Variants in SOX5 observed in about 807,000 individuals in gnomAD.
SOX5 encodes the protein SRY-box transcription factor 5.
SOX5 carries 9 observed loss-of-function variants against 92.0 expected under a neutral mutation model. That is an observed-to-expected ratio of 0.10 (90% CI 0.06 to 0.17). The LOEUF is 0.17. Among genes scored for constraint, SOX5 ranks in the 10% least tolerant of loss-of-function variants. SOX5 has a pLI of 1.00. For missense variants in SOX5, 642 were observed against 944.5 expected (o/e 0.68, Z 4.20); for synonymous variants, 344 against 336.3 (o/e 1.02, Z -0.25).
rs538920399 is a variant in SOX5 at position 23,784,625 on chromosome 12, C to T, written c.482-28901G>A. Among the ~76,000 whole-genome samples, 14 of 151,996 alleles carry T rather than the reference C, an allele frequency of 9.2e-5. No individual in the cohort carries two copies. The South Asian group carries it at 2.3e-3, about 25-fold the overall frequency. ...AGAGGCGTGAGCCAACATGCCTGGC[C>T]GATATATTTTATTTACACATCAAAT... On this transcript the variant is annotated intron_variant, in intron 3 of 14. Coordinates refer to ENST00000451604, the MANE Select transcript of SOX5 (RefSeq NM_006940.6).
chr12:24,150,564 G>C (rs1951553092), intron 4 of SOX5, among the ~76,000 whole-genome samples: 1 of 152,098 alleles, frequency 6.6e-6, no homozygotes. Context: ...TGGCAAAATA[G>C]AAGGTAAAAC....
chr12:23,643,395 A>C (rs2080385146), intron 7 of SOX5, among the ~76,000 whole-genome samples: 1 of 152,174 alleles, frequency 6.6e-6, no homozygotes, highest in Admixed American at 6.5e-5. Context: ...TTAAGTTTGA[A>C]ATTATGATTA....
At chr12:24,209,814 C>T (rs895630365) in intron 4 of SOX5, among the ~76,000 whole-genome samples, 1 of 151,356 alleles carries the variant, frequency 6.6e-6, no homozygotes, top group Non-Finnish European at 1.5e-5. Context: ...GTCAGGAGAT[C>T]GAGACCATCC....
chr12:23,616,427 G>A (rs2076563053), intron 8 of SOX5, among the ~76,000 whole-genome samples: 1 of 152,198 alleles, frequency 6.6e-6, no homozygotes, highest in South Asian at 2.1e-4. Context: ...AGAGGAAAGT[G>A]GGAAGGGTTG....
intron 2 of SOX5, among the ~76,000 whole-genome samples, chr12:23,855,325 C>T (rs1595079851): frequency 6.6e-6 from 1 of 151,940 alleles, no homozygotes; most frequent in Non-Finnish European, 1.5e-5. Context: ...AAATGCCATA[C>T]AGCATTAGTA....
chr12:24,270,261 A>G (rs922059446), intron 3 of SOX5, among the ~76,000 whole-genome samples: 17 of 151,976 alleles, frequency 1.1e-4, no homozygotes, highest in African/African-American at 4.1e-4. Context: ...GGGTTTCACC[A>G]TCTTAGCCAG....
At chr12:24,341,001 A>G (rs896052311) in intron 2 of SOX5, among the ~76,000 whole-genome samples, 5 of 152,202 alleles carry the variant, frequency 3.3e-5, no homozygotes, top group Admixed American at 6.5e-5. Flanking sequence ...GGGCAACCAC[A>G]TACCAATTTC....
At chr12:23,898,153 C>A (rs1253680145) in intron 1 of SOX5, among the ~76,000 whole-genome samples, 2 of 152,136 alleles carry the variant, frequency 1.3e-5, no homozygotes, top group Non-Finnish European at 2.9e-5. Context: ...AGTTTGTGGA[C>A]AGAACAGGCT....
At chr12:24,541,712 C>A (rs1952144369) in intron 1 of SOX5, among the ~76,000 whole-genome samples, 1 of 152,166 alleles carries the variant, frequency 6.6e-6, no homozygotes, top group East Asian at 1.9e-4. Context: ...AAAAGAATGA[C>A]TTTTCCTTTT....
intron 6 of SOX5, among the ~76,000 whole-genome samples, chr12:23,671,116 G>A (rs1388343055): frequency 6.6e-6 from 1 of 152,132 alleles, no homozygotes. Context: ...CAAAGAACTG[G>A]AAGAACTCCA....
chr12:23,561,416 G>C (rs1011585428), intron 11 of SOX5, among the ~76,000 whole-genome samples: 2 of 152,206 alleles, frequency 1.3e-5, no homozygotes, highest in African/African-American at 4.8e-5. Context: ...ACTGAAGCCA[G>C]CATAAAGTCA....
At chr12:24,050,157 A>G (rs575460880) in intron 4 of SOX5, among the ~76,000 whole-genome samples, 2 of 151,298 alleles carry the variant, frequency 1.3e-5, no homozygotes, top group African/African-American at 2.4e-5. Context: ...TATGATCATT[A>G]CAAACGTCTT....
intron 4 of SOX5, among the ~76,000 whole-genome samples, chr12:24,129,760 T>C (rs781636580): frequency 2.6e-5 from 4 of 152,216 alleles, no homozygotes; most frequent in Non-Finnish European, 5.9e-5. Flanking sequence ...TCCTAACTTA[T>C]ATCAAGGGAG....
intron 1 of SOX5, among the ~76,000 whole-genome samples, chr12:24,419,597 T>C (rs1245286803): frequency 6.6e-6 from 1 of 152,194 alleles, no homozygotes; most frequent in Non-Finnish European, 1.5e-5. Context: ...TCTCTAAGAG[T>C]ACAATTAACC....
intron 4 of SOX5, among the ~76,000 whole-genome samples, chr12:24,155,318 G>T (rs951516554): frequency 6.6e-6 from 1 of 152,072 alleles, no homozygotes; most frequent in Non-Finnish European, 1.5e-5. Flanking sequence ...AATGAAAAAT[G>T]TTCCCATTTT....
At chr12:23,546,509 T>G (rs917228851) in intron 11 of SOX5, 85 bp from the exon 12 acceptor site, 2 of 737,480 alleles carry the variant, frequency 2.7e-6, no homozygotes, top group Non-Finnish European at 4.6e-6. Flanking sequence ...ATATAATACA[T>G]TAACTCCTGG....
chr12:23,755,595 T>G, intron 4 of SOX5, 43 bp downstream of exon 4: 1 of 1,386,316 alleles, frequency 7.2e-7, no homozygotes, highest in South Asian at 1.3e-5. Context: ...AATATCAACT[T>G]CATTTTGGTA....
At chr12:24,170,465 C>T (rs970038279) in intron 4 of SOX5, among the ~76,000 whole-genome samples, 3 of 152,110 alleles carry the variant, frequency 2.0e-5, no homozygotes, top group Non-Finnish European at 4.4e-5. Context: ...CTGATTTTAC[C>T]CTCAGACATA....
At chr12:23,825,899 G>C (rs2096223700) in intron 3 of SOX5, among the ~76,000 whole-genome samples, 1 of 152,064 alleles carries the variant, frequency 6.6e-6, no homozygotes, top group South Asian at 2.1e-4. Context: ...AGAACTCTAA[G>C]ATTTACTATT....
Sources: allele counts gnomAD v4.1 joint callset (sites outside exome capture counted in the v4.1 genomes callset), GRCh38; gene constraint gnomAD v4.1.1; transcripts MANE v1.5; gene names NCBI Gene and HGNC (gene_info 2026-07-23, HGNC 2026-07-21).